SV2C: variants seen among roughly 807,000 people sequenced by gnomAD.
The protein encoded by SV2C is synaptic vesicle glycoprotein 2C.
SV2C carries 49 observed loss-of-function variants against 79.7 expected under a neutral mutation model. The ratio of observed to expected loss-of-function variants is 0.61; its 90% CI spans 0.49 to 0.78. SV2C has a LOEUF of 0.78. Ranked by LOEUF, SV2C falls within the 30% of genes least tolerant of loss-of-function variation. SV2C has a pLI of 0.00. For missense variants in SV2C, 833 were observed against 912.9 expected, an observed-to-expected ratio of 0.91 and a Z score of 1.13; for synonymous variants, 334 against 333.2, an observed-to-expected ratio of 1.00 and a Z score of -0.03.
At chr5:76,106,809 T>TG (rs1225211269) in intron 1 of SV2C, among the ~76,000 whole-genome samples, 4 of 152,148 alleles carry the variant, frequency 2.6e-5, no homozygotes, top group Non-Finnish European at 5.9e-5. Flanking sequence ...CTTGCCTTAC[T>TG]CTTTTTTTTC....
chr5:75,884,473 A>G, the SV2C span, among the ~76,000 whole-genome samples: 1 of 152,180 alleles, frequency 6.6e-6, no homozygotes, highest in Non-Finnish European at 1.5e-5. Flanking sequence ...ATGGCTCAAT[A>G]TGTCCATTAA....
the SV2C span, among the ~76,000 whole-genome samples, chr5:76,077,346 C>A: frequency 6.6e-6 from 1 of 151,958 alleles, no homozygotes; most frequent in Non-Finnish European, 1.5e-5. Context: ...ATAGTAAATT[C>A]TGAAGGGAAA....
rs114308602 is a variant in SV2C at position 76,155,251 on chromosome 5, G to A, written c.580+22921G>A. Among the ~76,000 whole-genome samples, 1,221 of 152,278 alleles carry A rather than the reference G, an allele frequency of 8.0e-3. 18 individuals are homozygous for A. Among genetic ancestry groups the A allele is most frequent in the African/African-American group, 0.028 (1,168 of 41,552 alleles). On this transcript the variant is annotated intron_variant, in intron 2 of 12. Transcript: ENST00000502798. Reference sequence around the variant, plus strand: ...CCTGGCATAGTGAATTTGGGATGCCGAGATTTTATTTTCCTTTCACCAGGC... The same window carrying A: ...CCTGGCATAGTGAATTTGGGATGCCAAGATTTTATTTTCCTTTCACCAGGC...
chr5:75,899,527 A>T, the SV2C span, among the ~76,000 whole-genome samples: 1 of 152,148 alleles, frequency 6.6e-6, no homozygotes, highest in African/African-American at 2.4e-5. Context: ...TGGTGCTGAA[A>T]AAAATGTATA....
At chr5:75,911,228 T>C in the SV2C span, 11 of 1,564,578 alleles carry the variant, frequency 7.0e-6, no homozygotes, top group African/African-American at 6.8e-5. Context: ...TCTCCTACCA[T>C]TGGGAGTGGC....
chr5:75,868,648 C>G, the SV2C span, among the ~76,000 whole-genome samples: 1 of 152,162 alleles, frequency 6.6e-6, no homozygotes, highest in Non-Finnish European at 1.5e-5. Flanking sequence ...CAATCCAAAG[C>G]TATTAGGTCA....
At chr5:76,165,618 C>CGT (rs1554037089) in intron 2 of SV2C, among the ~76,000 whole-genome samples, 2 of 151,292 alleles carry the variant, frequency 1.3e-5, no homozygotes, top group South Asian at 4.2e-4. Context: ...TTGAGATTGG[C>CGT]TTTTTTTTTC....
the SV2C span, among the ~76,000 whole-genome samples, chr5:75,935,638 C>CT: frequency 1.4e-4 from 22 of 152,244 alleles, no homozygotes; most frequent in East Asian, 4.2e-3. Context: ...GACAAGAACT[C>CT]TAAGACACAC....
At chr5:76,037,094 A>G in the SV2C span, among the ~76,000 whole-genome samples, 471 of 152,280 alleles carry the variant, frequency 3.1e-3, 5 homozygotes, top group African/African-American at 9.0e-3. Flanking sequence ...TTTCAGCTCC[A>G]TCAGCTCCTT....
At chr5:75,910,739 C>A in the SV2C span, 8 of 1,372,678 alleles carry the variant, frequency 5.8e-6, no homozygotes, top group Non-Finnish European at 8.3e-6. Context: ...AGATCTGAAC[C>A]AAAAACTACT....
At chr5:75,910,473 G>A in the SV2C span, 2 of 604,088 alleles carry the variant, frequency 3.3e-6, no homozygotes, top group African/African-American at 1.8e-5. Flanking sequence ...AAGTTCTTGA[G>A]GTCCTTGTAT....
chr5:76,175,772 C>A (rs927148630), intron 2 of SV2C, among the ~76,000 whole-genome samples: 1 of 152,138 alleles, frequency 6.6e-6, no homozygotes. Context: ...AACCATACAA[C>A]CCAAGGGTTT....
intron 12 of SV2C, among the ~76,000 whole-genome samples, chr5:76,345,589 TGCTGAGCCATCTTGGCTTGTCCAG>T (rs1208623432): frequency 3.3e-5 from 5 of 152,224 alleles, no homozygotes; most frequent in African/African-American, 1.2e-4. Flanking sequence ...GCCAAGAGAC[TGCTGAGCCATCTTGGCTTGTCCAG>T]GCTGTCAGCG....
the SV2C span, among the ~76,000 whole-genome samples, chr5:75,985,342 A>G: frequency 1.3e-5 from 2 of 151,892 alleles, no homozygotes; most frequent in African/African-American, 4.8e-5. Context: ...ACCTCCCAAC[A>G]CTGCTGCATT....
At chr5:76,021,663 A>T in the SV2C span, among the ~76,000 whole-genome samples, 1 of 152,216 alleles carries the variant, frequency 6.6e-6, no homozygotes, top group Admixed American at 6.6e-5. Context: ...TTATCCAGTA[A>T]CATCAGTTTT....
the SV2C span, among the ~76,000 whole-genome samples, chr5:75,850,396 C>T: frequency 6.6e-6 from 1 of 152,136 alleles, no homozygotes; most frequent in Non-Finnish European, 1.5e-5. Flanking sequence ...TCACAAAATA[C>T]TTATGTTTTT....
At chr5:76,033,956 T>C in the SV2C span, among the ~76,000 whole-genome samples, 1 of 152,154 alleles carries the variant, frequency 6.6e-6, no homozygotes, top group Non-Finnish European at 1.5e-5. Context: ...CTTGAAGAGG[T>C]CCTTCCCATC....
chr5:76,224,012 C>T (rs1469764234), intron 4 of SV2C, among the ~76,000 whole-genome samples: 5 of 152,202 alleles, frequency 3.3e-5, no homozygotes, highest in African/African-American at 1.2e-4. Context: ...GCTCATTTAA[C>T]CTTAATTACC....
intron 4 of SV2C, chr5:76,241,886 C>T: frequency 3.2e-6 from 2 of 616,026 alleles, no homozygotes; most frequent in Non-Finnish European, 5.7e-6. Flanking sequence ...ATGAAGTGTT[C>T]TATGTGCTAA....
Sources: allele counts gnomAD v4.1 joint callset (sites outside exome capture counted in the v4.1 genomes callset), GRCh38; gene constraint gnomAD v4.1.1; transcripts MANE v1.5; gene names NCBI Gene and HGNC (gene_info 2026-07-23, HGNC 2026-07-21).